Variants in ASH1L observed in about 807,000 individuals in gnomAD.
ASH1L encodes ASH1 like histone lysine methyltransferase.
Under a neutral mutation model 269.0 loss-of-function variants are expected in ASH1L, and 23 were observed. The observed-to-expected ratio is 0.09, with a 90% CI of 0.06 to 0.12. The LOEUF is 0.12. Ranked by LOEUF, ASH1L falls within the 10% of genes least tolerant of loss-of-function variation. The probability of loss-of-function intolerance (pLI) is 1.00; values close to 1 mark genes in which losing one functional copy is unlikely to be tolerated. For synonymous variants in ASH1L, 1,187 were observed against 1,253.5 expected, an observed-to-expected ratio of 0.95 and a Z score of 1.12; for missense variants, 2,912 against 3,567.8, an observed-to-expected ratio of 0.82 and a Z score of 4.68.
At chr1:155,559,255 G>A (rs1183544419) in intron 1 of ASH1L, among the ~76,000 whole-genome samples, 1 of 152,096 alleles carries the variant, frequency 6.6e-6, no homozygotes, top group African/African-American at 2.4e-5. Context: ...AACACCAGAT[G>A]AGGCCGGGCG....
At chr1:155,410,395 CGGA>C (rs1262629430) in intron 6 of ASH1L, among the ~76,000 whole-genome samples, 14 of 152,088 alleles carry the variant, frequency 9.2e-5, no homozygotes, top group Non-Finnish European at 2.9e-5. Flanking sequence ...CCTCTGCCTC[CGGA>C]GGTCAAAGGA....
intron 4 of ASH1L, 42 bp from the exon 5 acceptor site, chr1:155,439,110 G>T (rs752640311): frequency 3.2e-6 from 5 of 1,542,104 alleles, no homozygotes; most frequent in Non-Finnish European, 4.4e-6. Flanking sequence ...AATTGGACAC[G>T]GCTAGTTATT....
chr1:155,437,271 C>G (rs1235744756), intron 5 of ASH1L, among the ~76,000 whole-genome samples: 2 of 151,990 alleles, frequency 1.3e-5, no homozygotes, highest in Non-Finnish European at 2.9e-5. Flanking sequence ...CCAAATAGCC[C>G]AATCAAAAAA....
Position 155,340,129 on chromosome 1 carries a change from T to TA in ASH1L, c.8461-762dup, listed in dbSNP as rs796513362. On this transcript the variant is annotated intron_variant, in intron 25 of 27. Coordinates refer to ENST00000392403, the MANE Select transcript of ASH1L (RefSeq NM_018489.3). ...GAATACAAAAGACGGTCTGGAAAAT[T>TA]AAAAAAAAAAAATAGGGAAAATAGG... is the stretch of plus-strand genomic sequence containing the variant. 8.2e-3 allele frequency among the ~76,000 whole-genome samples: 1,198 copies of TA among 146,168 alleles called. 15 individuals carry two copies. The highest frequency in any genetic ancestry group is 0.028 in the African/African-American group (1,134 of 40,164).
chr1:155,396,315 CT>C (rs200366698), intron 6 of ASH1L: 1 of 151,868 alleles, frequency 6.6e-6, no homozygotes, highest in Non-Finnish European at 1.5e-5. Context: ...CCAATTAATT[CT>C]TTTTTTTGTT....
intron 3 of ASH1L, among the ~76,000 whole-genome samples, chr1:155,466,959 CA>C (rs146746262): frequency 1.1e-4 from 16 of 142,358 alleles, no homozygotes; most frequent in Middle Eastern, 3.5e-3. Context: ...ATACTTTTTC[CA>C]AAAAAAAAAG....
chr1:155,400,129 C>T lies in ASH1L; in HGVS notation c.6009-4576G>A, dbSNP rs147911334. Among the ~76,000 whole-genome samples the T allele has an allele frequency of 9.7e-3, 1,473 of 152,180 alleles. 26 individuals are homozygous for T. The highest frequency in any genetic ancestry group is 0.032 in the African/African-American group (1,341 of 41,544). On this transcript the variant is annotated intron_variant, in intron 6 of 27. Coordinates refer to ENST00000392403, the MANE Select transcript of ASH1L (RefSeq NM_018489.3). ...TTGGGAGGCTGAGGCGGGCAAATCA[C>T]GAGGTCAGGAGATTGAGACCATCCT...
At chr1:155,484,962 C>G (rs6694058) in intron 2 of ASH1L, among the ~76,000 whole-genome samples, 2 of 122,482 alleles carry the variant, frequency 1.6e-5, no homozygotes, top group African/African-American at 6.5e-5. Flanking sequence ...AAAACAAAAA[C>G]AAAAACCAAC....
intron 1 of ASH1L, among the ~76,000 whole-genome samples, chr1:155,536,669 G>GAA: frequency 6.6e-6 from 1 of 152,188 alleles, no homozygotes; most frequent in Non-Finnish European, 1.5e-5. Flanking sequence ...GAAGTTCAAG[G>GAA]CTGCAGTGAG....
rs1664156332 is a variant in ASH1L, at chr1:155,459,867, C to T, written c.5016G>A (p.Gln1672=). The T allele has an allele frequency of 6.2e-7, 1 of 1,611,230 alleles. No individual in the cohort carries two copies. Among genetic ancestry groups the T allele is most frequent in the Admixed American group, 1.7e-5 (1 of 59,518 alleles). The change falls in exon 4 of 28, where the codon CAG becomes CAA. Residue 1672 remains glutamine (Q), a synonymous_variant. Coordinates refer to ENST00000392403, the MANE Select transcript of ASH1L (RefSeq NM_018489.3). ...GSQPTSDKPS[Q]RPSESTNCSP... Reference sequence around the variant, plus strand: ...TACAATTTGTGCTCTCTGATGGCCGCTGGGAGGGTTTATCAGAGGTTGGCT... The same window carrying T: ...TACAATTTGTGCTCTCTGATGGCCGTTGGGAGGGTTTATCAGAGGTTGGCT...
intron 16 of ASH1L, among the ~76,000 whole-genome samples, chr1:155,354,146 C>T (rs1259478786): frequency 2.0e-5 from 3 of 152,236 alleles, no homozygotes; most frequent in East Asian, 1.9e-4. Context: ...AATAGAAATT[C>T]GGCTGAGTGT....
At chr1:155,444,076 C>T (rs568196272) in intron 4 of ASH1L, among the ~76,000 whole-genome samples, 13 of 150,972 alleles carry the variant, frequency 8.6e-5, no homozygotes, top group Middle Eastern at 3.4e-3. Flanking sequence ...CTCTGCCTCC[C>T]GGGTTCAAGT....
chr1:155,453,691 C>T (rs924741489), intron 4 of ASH1L, among the ~76,000 whole-genome samples: 4 of 150,532 alleles, frequency 2.7e-5, no homozygotes, highest in East Asian at 2.0e-4. Context: ...CCCAGCTACT[C>T]GGGAGGCTGA....
chr1:155,379,989 C>A, intron 8 of ASH1L, 54 bp downstream of exon 8: 1 of 1,302,904 alleles, frequency 7.7e-7, no homozygotes. Flanking sequence ...TGCATTTCCA[C>A]CCCTCCCCCT....
At chr1:155,539,863 C>A (rs1025008965) in intron 1 of ASH1L, among the ~76,000 whole-genome samples, 2 of 151,668 alleles carry the variant, frequency 1.3e-5, no homozygotes, top group African/African-American at 4.8e-5. Context: ...TGAGACCAGC[C>A]TGGGCAACAC....
intron 1 of ASH1L, among the ~76,000 whole-genome samples, chr1:155,554,687 C>G (rs1285580172): frequency 6.6e-6 from 1 of 151,910 alleles, no homozygotes. Context: ...AGGATTACAT[C>G]TGAGATTTAA....
chr1:155,461,986 G>C (rs750280000), intron 3 of ASH1L, among the ~76,000 whole-genome samples: 1 of 151,934 alleles, frequency 6.6e-6, no homozygotes, highest in Non-Finnish European at 1.5e-5. Context: ...TTTTAGTAGA[G>C]ACGGGGTTCC....
chr1:155,357,078 TACACACACACACACACACACACACACAC>T (rs61213200), intron 15 of ASH1L, among the ~76,000 whole-genome samples: 1 of 53,084 alleles, frequency 1.9e-5, no homozygotes, highest in Non-Finnish European at 3.3e-5. Context: ...ATCCCAGCTC[TACACACACACACACACACACACACACAC>T]ACACACACAC....
intron 1 of ASH1L, among the ~76,000 whole-genome samples, chr1:155,536,005 A>G (rs1340733435): frequency 6.6e-6 from 1 of 152,038 alleles, no homozygotes; most frequent in Non-Finnish European, 1.5e-5. Flanking sequence ...TCTCAAGAAA[A>G]AAAAAAAAAA....
Sources: gnomAD v4.1 joint callset for allele counts (sites outside exome capture counted in the v4.1 genomes callset) on GRCh38, gnomAD v4.1.1 for gene constraint, MANE v1.5 for transcripts, NCBI Gene and HGNC (gene_info 2026-07-23, HGNC 2026-07-21) for gene names.